Variants in NEK1 observed in about 807,000 individuals in gnomAD.
The protein encoded by NEK1 is serine/threonine-protein kinase Nek1.
In NEK1, 137 loss-of-function variants were observed where a neutral mutation model predicts 182.1. The ratio of observed to expected loss-of-function variants is 0.75; its 90% CI spans 0.65 to 0.87. NEK1 has a LOEUF of 0.87. Among genes scored for constraint, NEK1 ranks in the 40% least tolerant of loss-of-function variants. NEK1 has a pLI of 0.00. For missense variants in NEK1, 1,391 were observed against 1,494.4 expected (o/e 0.93, Z 1.14); for synonymous variants, 513 against 492.2 (o/e 1.04, Z -0.56).
intron 27 of NEK1, among the ~76,000 whole-genome samples, chr4:169,443,617 G>A (rs938386037): frequency 3.3e-5 from 5 of 151,726 alleles, no homozygotes; most frequent in Admixed American, 2.6e-4. Context: ...TTTCTCTAAC[G>A]AAATAACAGC....
intron 19 of NEK1, 109 bp from the exon 20 acceptor site, chr4:169,508,961 T>A: frequency 1.2e-6 from 1 of 806,748 alleles, no homozygotes; most frequent in South Asian, 1.9e-5. Context: ...TACTGACCAT[T>A]TATTGATGAT....
chr4:169,451,992 A>G (rs1197115439), intron 27 of NEK1, among the ~76,000 whole-genome samples: 2 of 152,212 alleles, frequency 1.3e-5, no homozygotes, highest in East Asian at 3.8e-4. Flanking sequence ...ACCTTCAGAG[A>G]ATACTATAAA....
At chr4:169,428,371 T>TATATATATATATATATATATATATAA (rs1447545764) in intron 29 of NEK1, among the ~76,000 whole-genome samples, 1 of 144,784 alleles carries the variant, frequency 6.9e-6, no homozygotes, top group African/African-American at 2.5e-5. Flanking sequence ...TATATATATA[T>TATATATATATATATATATATATATAA]AATGGAATAT....
At chr4:169,510,199 C>T (rs903110309) in intron 19 of NEK1, among the ~76,000 whole-genome samples, 4 of 152,150 alleles carry the variant, frequency 2.6e-5, no homozygotes, top group Non-Finnish European at 5.9e-5. Context: ...TTCTCATCCC[C>T]AGGCTTTAAC....
At chr4:169,525,637 G>T (rs1241794188) in intron 19 of NEK1, among the ~76,000 whole-genome samples, 1 of 152,042 alleles carries the variant, frequency 6.6e-6, no homozygotes, top group Non-Finnish European at 1.5e-5. Flanking sequence ...ACACTAATTT[G>T]TTTAGCCTTT....
chr4:169,585,081 C>T (rs748269307), intron 10 of NEK1, among the ~76,000 whole-genome samples: 2 of 151,884 alleles, frequency 1.3e-5, no homozygotes. Context: ...CTCAGCTACT[C>T]AGGAGGCTGA....
intron 31 of NEK1, among the ~76,000 whole-genome samples, chr4:169,411,004 G>C (rs879494217): frequency 3.9e-5 from 6 of 152,188 alleles, no homozygotes; most frequent in Admixed American, 6.5e-5. Context: ...GTGTGCGTGC[G>C]TATCCTGTTT....
intron 23 of NEK1, among the ~76,000 whole-genome samples, chr4:169,505,552 A>C (rs541677901): frequency 7.9e-5 from 12 of 152,372 alleles, no homozygotes; most frequent in African/African-American, 2.9e-4. Context: ...ATCAGTAGTA[A>C]AGACTACGGG....
intron 21 of NEK1, 133 bp downstream of exon 21, chr4:169,508,115 T>C (rs1325463317): frequency 1.3e-6 from 1 of 758,176 alleles, no homozygotes; most frequent in Non-Finnish European, 2.1e-6. Flanking sequence ...ATGTGTAGTT[T>C]TTTGATCTTT....
intron 2 of NEK1, among the ~76,000 whole-genome samples, chr4:169,605,510 T>TA (rs1771187552): frequency 6.6e-6 from 1 of 152,192 alleles, no homozygotes; most frequent in South Asian, 2.1e-4. Context: ...TTCAGCATCT[T>TA]ACAATATATT....
chr4:169,484,762 A>AATCCCAAATTCAAATC (rs1393616065), intron 23 of NEK1, among the ~76,000 whole-genome samples: 6 of 152,130 alleles, frequency 3.9e-5, no homozygotes, highest in Non-Finnish European at 8.8e-5. Context: ...CAAATCCCAA[A>AATCCCAAATTCAAATC]ACACTCACCA....
chr4:169,561,889 T>C lies in NEK1; in HGVS notation c.1083A>G (p.Glu361=), dbSNP rs776207993. 1 of 1,597,780 alleles carries C rather than the reference T, an allele frequency of 6.3e-7. No homozygotes were observed. Among genetic ancestry groups the C allele is most frequent in the Non-Finnish European group, 8.5e-7 (1 of 1,174,206 alleles). The change falls in exon 14 of 36, where the codon GAA becomes GAG. Residue 361 remains glutamate, a splice_region_variant and synonymous_variant. Coordinates refer to ENST00000507142, the MANE Select transcript of NEK1 (RefSeq NM_001199397.3). ...ATTCCAGCCTTCTCTTTCTTGCTGC[T>C]TCCTTAAATAAAAAAAAGAACATTT... ...TGEERRKISE[E]AARKRRLEFI...
chr4:169,424,228 T>C (rs188391412), intron 31 of NEK1, among the ~76,000 whole-genome samples: 18 of 152,304 alleles, frequency 1.2e-4, no homozygotes, highest in Non-Finnish European at 1.0e-4. Flanking sequence ...ATTTAAGATA[T>C]ATTGCTTAAA....
At chr4:169,433,488 TAA>T in intron 29 of NEK1, 55 bp downstream of exon 29, 1 of 1,527,766 alleles carries the variant, frequency 6.5e-7, no homozygotes, top group Non-Finnish European at 8.9e-7. Context: ...AGTATTTTCT[TAA>T]AAGTTATTAC....
chr4:169,403,000 A>C (rs1731946143), intron 32 of NEK1, among the ~76,000 whole-genome samples: 1 of 152,234 alleles, frequency 6.6e-6, no homozygotes, highest in Admixed American at 6.5e-5. Flanking sequence ...ACAAGGGCTA[A>C]TTAAGGCCTT....
intron 12 of NEK1, among the ~76,000 whole-genome samples, chr4:169,566,178 T>TTA (rs1413851438): frequency 1.3e-5 from 2 of 152,062 alleles, no homozygotes; most frequent in Non-Finnish European, 2.9e-5. Flanking sequence ...AATAACTGGA[T>TTA]TATATATATA....
chr4:169,516,444 G>T (rs1444751878), intron 19 of NEK1, among the ~76,000 whole-genome samples: 4 of 106,064 alleles, frequency 3.8e-5, no homozygotes, highest in African/African-American at 9.9e-5. Flanking sequence ...TTTCTCCCAT[G>T]TTGTAGGTTG....
intron 12 of NEK1, among the ~76,000 whole-genome samples, chr4:169,574,011 T>C (rs956350159): frequency 4.6e-5 from 7 of 151,872 alleles, no homozygotes; most frequent in African/African-American, 7.3e-5. Context: ...AAATAAAAAA[T>C]TAGCTGGGTG....
At position 169,426,180 on chromosome 4, in the gene NEK1, C is replaced by A; in HGVS notation, c.2940G>T (p.Ser980=). ...TGTCACTAAGTTGGTCCACAGTACTCGAGACTCCATCTTCAGAAACTTCAT... is the reference window on the plus strand; with the variant it reads ...TGTCACTAAGTTGGTCCACAGTACTAGAGACTCCATCTTCAGAAACTTCAT... ...QENEVSEDGV[S]STVDQLSDIH... is the part of the protein sequence containing the mutation. Residue 980 remains serine (S), a synonymous_variant, in exon 30 of 36, where the codon TCG becomes TCT. Coordinates refer to ENST00000507142, the MANE Select transcript of NEK1 (RefSeq NM_001199397.3). 2 of 1,613,664 alleles carry A rather than the reference C, an allele frequency of 1.2e-6. No homozygotes were observed. The highest frequency in any genetic ancestry group is 1.7e-6 in the Non-Finnish European group (2 of 1,179,744).
Sources: gnomAD v4.1 joint callset for allele counts (sites outside exome capture counted in the v4.1 genomes callset) on GRCh38, gnomAD v4.1.1 for gene constraint, MANE v1.5 for transcripts, NCBI Gene and HGNC (gene_info 2026-07-23, HGNC 2026-07-21) for gene names.